WDR72: variants seen among roughly 807,000 people sequenced by gnomAD.
The protein encoded by WDR72 is WD repeat domain 72.
Under a neutral mutation model 124.2 loss-of-function variants are expected in WDR72, and 120 were observed. That is an observed-to-expected ratio of 0.97 (90% confidence interval 0.83 to 1.12). WDR72 has a LOEUF of 1.12. WDR72 is among the 50% of genes most tolerant of loss of function. The pLI is 0.00. For missense variants in WDR72, 1,387 were observed against 1,278.8 expected (o/e 1.08, Z -1.29); for synonymous variants, 452 against 441.7 (o/e 1.02, Z -0.29).
chr15:53,721,346 C>A (rs1220137583), intron 3 of WDR72, among the ~76,000 whole-genome samples: 3 of 152,118 alleles, frequency 2.0e-5, no homozygotes, highest in East Asian at 1.9e-4. Context: ...ACTTTTCAGA[C>A]CTTTTTCTCA....
chr15:53,620,064 A>G (rs1454123124), intron 14 of WDR72, among the ~76,000 whole-genome samples: 1 of 152,072 alleles, frequency 6.6e-6, no homozygotes, highest in East Asian at 1.9e-4. Flanking sequence ...ATTTGGCAAC[A>G]TGTATCAATA....
In WDR72 at chr15:53,715,299, G is replaced by A. The variant is rs886051303; in HGVS notation, c.408C>T (p.Val136=). 3.7e-6 allele frequency: 6 copies of A among 1,614,080 alleles called. No individual in the cohort carries two copies. The highest frequency in any genetic ancestry group is 5.1e-6 in the Non-Finnish European group (6 of 1,179,992). The stretch of plus-strand genomic sequence containing the variant: ...CCAAAGTTTTGGCATCAATTATAAG[G>A]ACATCTTGATATTCTCCACAACAAA... The part of the protein sequence containing the change: ...WLLCCGEYQD[V]LIIDAKTLAV... The change falls in exon 5 of 20, where the codon GTC becomes GTT. Residue 136 remains valine (V), a synonymous_variant. Transcript: ENST00000360509.
At chr15:53,733,263 T>G (rs2018256976) in intron 1 of WDR72, 102 bp from the exon 2 acceptor site, 3 of 1,274,828 alleles carry the variant, frequency 2.4e-6, no homozygotes, top group Non-Finnish European at 3.3e-6. Context: ...ACTTCAATGA[T>G]GTGTTCTCCC....
chr15:53,519,581 C>A (rs938690111), intron 19 of WDR72, among the ~76,000 whole-genome samples: 3 of 151,972 alleles, frequency 2.0e-5, no homozygotes, highest in African/African-American at 7.2e-5. Context: ...TGAATTATTC[C>A]GAAGACAAGA....
At chr15:53,654,968 C>T (rs1046480869) in intron 14 of WDR72, among the ~76,000 whole-genome samples, 3 of 152,036 alleles carry the variant, frequency 2.0e-5, no homozygotes, top group African/African-American at 4.8e-5. Flanking sequence ...CAGTGGCTCA[C>T]GCCTGTAATC....
At chr15:53,689,686 T>C (rs1284184861) in intron 13 of WDR72, among the ~76,000 whole-genome samples, 2 of 150,874 alleles carry the variant, frequency 1.3e-5, no homozygotes, top group Non-Finnish European at 2.9e-5. Context: ...GAACTAGAAA[T>C]ACCATTTGAC....
At chr15:53,696,024 T>G (rs967045888) in intron 13 of WDR72, among the ~76,000 whole-genome samples, 2 of 152,156 alleles carry the variant, frequency 1.3e-5, no homozygotes, top group Non-Finnish European at 2.9e-5. Context: ...TCAAGCCCCT[T>G]TTCCTGCCTT....
intron 14 of WDR72, among the ~76,000 whole-genome samples, chr15:53,640,750 G>T (rs75077260): frequency 0.013 from 2,045 of 152,154 alleles, 36 homozygotes; most frequent in East Asian, 0.078. Flanking sequence ...AATAGGAAAT[G>T]TGCATTGTGG....
chr15:53,761,837 C>CAAAAACAATCAAACAAAAAA (rs56685517), upstream of WDR72, among the ~76,000 whole-genome samples: 21 of 151,902 alleles, frequency 1.4e-4, no homozygotes, highest in African/African-American at 4.8e-4. Flanking sequence ...AAAACAAAAA[C>CAAAAACAATCAAACAAAAAA]CCAAAGCAGA....
At chr15:53,698,303 C>T (rs1015083637) in intron 13 of WDR72, among the ~76,000 whole-genome samples, 1 of 152,236 alleles carries the variant, frequency 6.6e-6, no homozygotes, top group Non-Finnish European at 1.5e-5. Context: ...GATTCTATCA[C>T]CTATGAAAAA....
chr15:53,545,860 A>T (rs1386990494), intron 18 of WDR72, among the ~76,000 whole-genome samples: 1 of 127,610 alleles, frequency 7.8e-6, no homozygotes, highest in Non-Finnish European at 1.7e-5. Flanking sequence ...GAAGGACATG[A>T]ACAGACACTT....
At chr15:53,641,951 A>G (rs1023096004) in intron 14 of WDR72, among the ~76,000 whole-genome samples, 2 of 151,502 alleles carry the variant, frequency 1.3e-5, no homozygotes, top group Non-Finnish European at 3.0e-5. Flanking sequence ...TCTGTTTCTT[A>G]TATTTTGGCA....
chr15:53,533,670 C>G (rs950036861), intron 18 of WDR72, among the ~76,000 whole-genome samples: 1 of 152,094 alleles, frequency 6.6e-6, no homozygotes, highest in African/African-American at 2.4e-5. Flanking sequence ...CCAATCTCAG[C>G]CTCTGATATC....
intron 18 of WDR72, among the ~76,000 whole-genome samples, chr15:53,583,788 A>G (rs111361540): frequency 1.3e-5 from 2 of 152,014 alleles, no homozygotes; most frequent in Non-Finnish European, 2.9e-5. Context: ...ACATAAGTCA[A>G]TGGCATAAGG....
rs191139748 is a variant in WDR72, at chr15:53,555,808, A to G, written c.3149-32486T>C. 2.0e-5 allele frequency among the ~76,000 whole-genome samples: 3 copies of G among 152,252 alleles called. No homozygotes were observed. The East Asian group carries it at 5.8e-4, about 29-fold the overall frequency. ...TTTACTGTAGTATTACCTTGCAAAG[A>G]CAAAGGGTTTCACATCCATTACCTA... is the stretch of plus-strand genomic sequence containing the variant. On this transcript the variant is annotated intron_variant, in intron 18 of 19. Coordinates refer to ENST00000360509, the MANE Select transcript of WDR72 (RefSeq NM_182758.4).
chr15:53,675,709 T>C (rs2016148813), intron 13 of WDR72, among the ~76,000 whole-genome samples: 1 of 152,182 alleles, frequency 6.6e-6, no homozygotes, highest in Non-Finnish European at 1.5e-5. Flanking sequence ...TGTTCATTTA[T>C]ATGCTTCTGG....
intron 6 of WDR72, 115 bp downstream of exon 6, chr15:53,714,319 C>T (rs2017642772): frequency 4.7e-6 from 4 of 843,822 alleles, no homozygotes; most frequent in South Asian, 1.5e-5. Flanking sequence ...AGAATTTATA[C>T]ACTTCTATGT....
At chr15:53,636,332 C>A (rs2014622378) in intron 14 of WDR72, among the ~76,000 whole-genome samples, 1 of 152,052 alleles carries the variant, frequency 6.6e-6, no homozygotes, top group South Asian at 2.1e-4. Flanking sequence ...TGCTAAAACA[C>A]AATTAATTAC....
In WDR72 at chr15:53,713,431, T is replaced by TTGTTG. The variant is rs1192236115; in HGVS notation, c.592-541_592-540insCAACA. Among the ~76,000 whole-genome samples, 4 of 148,144 alleles carry TTGTTG rather than the reference T, an allele frequency of 2.7e-5. No individual in the cohort carries two copies. In the East Asian group the frequency reaches 7.9e-4, roughly 29 times the overall value. ...TTGTTGTATTTTATTTTATTTTATT[T>TTGTTG]TATTTTATTTTATTTTATTTTATTT... is the stretch of plus-strand genomic sequence containing the variant. On this transcript the variant is annotated intron_variant, in intron 6 of 19. Coordinates refer to ENST00000360509, the MANE Select transcript of WDR72 (RefSeq NM_182758.4).
Sources: gnomAD v4.1 joint callset for allele counts (sites outside exome capture counted in the v4.1 genomes callset) on GRCh38, gnomAD v4.1.1 for gene constraint, MANE v1.5 for transcripts, NCBI Gene and HGNC (gene_info 2026-07-23, HGNC 2026-07-21) for gene names.